The following TAFA2 variants were observed in gnomAD, a reference collection of about 807,000 sequenced individuals.
TAFA2 encodes chemokine-like protein TAFA-2.
Under a neutral mutation model 18.8 loss-of-function variants are expected in TAFA2, and 7 were observed. That is an observed-to-expected ratio of 0.37 (90% CI 0.21 to 0.70). The LOEUF is 0.70. Ranked by LOEUF, TAFA2 falls within the 30% of genes least tolerant of loss-of-function variation. The pLI is 0.53. For missense variants in TAFA2, 122 were observed against 158.1 expected, an observed-to-expected ratio of 0.77 and a Z score of 1.23; for synonymous variants, 60 against 54.2, an observed-to-expected ratio of 1.11 and a Z score of -0.47.
intron 1 of TAFA2, among the ~76,000 whole-genome samples, chr12:62,102,557 C>T (rs142271578): frequency 6.6e-6 from 1 of 152,254 alleles, no homozygotes; most frequent in East Asian, 1.9e-4. Flanking sequence ...ACAATGATTG[C>T]TGAAATGGTG....
At chr12:62,018,725 A>G (rs1390064582) in intron 1 of TAFA2, among the ~76,000 whole-genome samples, 1 of 152,236 alleles carries the variant, frequency 6.6e-6, no homozygotes, top group Non-Finnish European at 1.5e-5. Flanking sequence ...AAAACCCTAG[A>G]AGAAAACCTA....
At chr12:61,864,570 G>A (rs1019347308) in intron 2 of TAFA2, among the ~76,000 whole-genome samples, 1 of 151,150 alleles carries the variant, frequency 6.6e-6, no homozygotes, top group Non-Finnish European at 1.5e-5. Context: ...TCAGGAGATC[G>A]AGACCATCCT....
intron 1 of TAFA2, among the ~76,000 whole-genome samples, chr12:62,199,972 T>C (rs2062664397): frequency 6.6e-6 from 1 of 152,212 alleles, no homozygotes; most frequent in African/African-American, 2.4e-5. Context: ...TGATATCTCA[T>C]TGTGGTGTTA....
chr12:61,938,951 A>T (rs1469348693), intron 1 of TAFA2, among the ~76,000 whole-genome samples: 1 of 152,004 alleles, frequency 6.6e-6, no homozygotes, highest in Non-Finnish European at 1.5e-5. Flanking sequence ...AAAAACTACA[A>T]ATAGGGTACA....
At chr12:62,047,194 G>A (rs1183383110) in intron 1 of TAFA2, among the ~76,000 whole-genome samples, 14 of 152,040 alleles carry the variant, frequency 9.2e-5, no homozygotes, top group Non-Finnish European at 5.9e-5. Flanking sequence ...CACCTAACTG[G>A]TAGCAAGATC....
At chr12:62,104,777 C>CT (rs1347137914) in intron 1 of TAFA2, 1 of 451,264 alleles carries the variant, frequency 2.2e-6, no homozygotes, top group South Asian at 1.6e-5. Flanking sequence ...TGTAAGCTAA[C>CT]TGGCTTTCTC....
chr12:62,019,852 T>C (rs183553336), intron 1 of TAFA2, among the ~76,000 whole-genome samples: 2,108 of 152,204 alleles, frequency 0.014, 26 homozygotes, highest in Non-Finnish European at 0.021. Flanking sequence ...TAAAATAAAA[T>C]AAAATTTATG....
At chr12:62,152,591 T>A (rs1176064144) in intron 1 of TAFA2, among the ~76,000 whole-genome samples, 1 of 152,202 alleles carries the variant, frequency 6.6e-6, no homozygotes, top group African/African-American at 2.4e-5. Context: ...TGCTTAAAGA[T>A]GTGTGTTATG....
intron 1 of TAFA2, among the ~76,000 whole-genome samples, chr12:61,963,266 A>C (rs2136656260): frequency 6.6e-6 from 1 of 152,070 alleles, no homozygotes; most frequent in Non-Finnish European, 1.5e-5. Context: ...GTCAACCAGT[A>C]TTTCTGGTTC....
At chr12:62,060,142 T>C (rs1369943622) in intron 1 of TAFA2, among the ~76,000 whole-genome samples, 1 of 152,254 alleles carries the variant, frequency 6.6e-6, no homozygotes, top group Non-Finnish European at 1.5e-5. Flanking sequence ...TTTTAGTCTC[T>C]AAAATGACCC....
At chr12:62,200,925 T>TGCTG (rs2062668302) in intron 1 of TAFA2, among the ~76,000 whole-genome samples, 1 of 152,212 alleles carries the variant, frequency 6.6e-6, no homozygotes, top group Non-Finnish European at 1.5e-5. Flanking sequence ...CCCTGAGCAG[T>TGCTG]GGTTCGTAGT....
intron 1 of TAFA2, among the ~76,000 whole-genome samples, chr12:62,146,851 T>G (rs2062285074): frequency 6.6e-6 from 1 of 152,138 alleles, no homozygotes; most frequent in Non-Finnish European, 1.5e-5. Context: ...AATCTTCTTT[T>G]GGGAGCTTTA....
At chr12:62,220,944 A>G (rs1218070819) in intron 1 of TAFA2, among the ~76,000 whole-genome samples, 1 of 151,818 alleles carries the variant, frequency 6.6e-6, no homozygotes, top group Non-Finnish European at 1.5e-5. Context: ...CATCTCTACT[A>G]AAAAATAGAA....
chr12:62,058,877 G>T (rs1194892871), intron 1 of TAFA2, among the ~76,000 whole-genome samples: 2 of 152,150 alleles, frequency 1.3e-5, no homozygotes, highest in African/African-American at 4.8e-5. Flanking sequence ...GCCAAGGAGG[G>T]CGGATCACGA....
chr12:61,772,135 T>C (rs1870056108), intron 2 of TAFA2, among the ~76,000 whole-genome samples: 2 of 151,980 alleles, frequency 1.3e-5, no homozygotes, highest in Admixed American at 6.6e-5. Context: ...CTAGAGGAGA[T>C]GGATAAATTT....
intron 2 of TAFA2, among the ~76,000 whole-genome samples, chr12:61,777,954 C>T (rs926076788): frequency 5.9e-5 from 9 of 151,840 alleles, no homozygotes; most frequent in Admixed American, 3.9e-4. Flanking sequence ...TTGGTAGTAG[C>T]AGCAGTCTCA....
intron 1 of TAFA2, among the ~76,000 whole-genome samples, chr12:61,971,509 T>C (rs1043267727): frequency 1.3e-5 from 2 of 150,118 alleles, no homozygotes; most frequent in African/African-American, 4.9e-5. Context: ...AAAAAGAAAA[T>C]GTGGCACATA....
chr12:61,949,538 T>A (rs1341823861), intron 1 of TAFA2, among the ~76,000 whole-genome samples: 1 of 152,124 alleles, frequency 6.6e-6, no homozygotes, highest in Non-Finnish European at 1.5e-5. Context: ...GCCGGTCAAG[T>A]AGACAGACAC....
chr12:62,180,366 C>T (rs1047311878), intron 1 of TAFA2, among the ~76,000 whole-genome samples: 1 of 152,104 alleles, frequency 6.6e-6, no homozygotes, highest in African/African-American at 2.4e-5. Context: ...CCATTTAAAG[C>T]CTTTCTTGAG....
Sources: gnomAD v4.1 joint callset for allele counts (sites outside exome capture counted in the v4.1 genomes callset) on GRCh38, gnomAD v4.1.1 for gene constraint, MANE v1.5 for transcripts, NCBI Gene and HGNC (gene_info 2026-07-23, HGNC 2026-07-21) for gene names.